The following FOXP1 variants were observed in gnomAD, a reference collection of about 807,000 sequenced individuals.
FOXP1 encodes the protein forkhead box protein P1.
In FOXP1, 15 loss-of-function variants were observed where a neutral mutation model predicts 98.2. The ratio of observed to expected loss-of-function variants is 0.15; its 90% CI spans 0.10 to 0.24. The LOEUF is 0.24. Ranked by LOEUF, FOXP1 falls within the 10% of genes least tolerant of loss-of-function variation. The pLI is 1.00. For synonymous variants in FOXP1, 371 were observed against 314.5 expected (o/e 1.18, Z -1.90); for missense variants, 633 against 848.5 (o/e 0.75, Z 3.15).
intron 6 of FOXP1, among the ~76,000 whole-genome samples, chr3:71,195,490 T>C (rs1395034405): frequency 6.6e-6 from 1 of 152,236 alleles, no homozygotes; most frequent in African/African-American, 2.4e-5. Context: ...CTCGTTTTTA[T>C]ACCAGGCCCT....
chr3:71,507,836 C>T (rs2041935048), intron 2 of FOXP1, among the ~76,000 whole-genome samples: 1 of 152,166 alleles, frequency 6.6e-6, no homozygotes, highest in African/African-American at 2.4e-5. Context: ...CTTGGCCTCC[C>T]AAAGTGCTGG....
At chr3:71,265,807 C>T (rs540001143) in intron 5 of FOXP1, among the ~76,000 whole-genome samples, 2 of 152,246 alleles carry the variant, frequency 1.3e-5, no homozygotes, top group East Asian at 3.9e-4. Flanking sequence ...GTGACAATCA[C>T]CCAAAGACAA....
intron 5 of FOXP1, among the ~76,000 whole-genome samples, chr3:71,270,233 C>T (rs185989152): frequency 1.4e-4 from 21 of 152,198 alleles, no homozygotes; most frequent in African/African-American, 3.1e-4. Flanking sequence ...AGAATCAAAG[C>T]GTTATAAATT....
At chr3:71,011,548 G>T (rs1018743064) in intron 12 of FOXP1, among the ~76,000 whole-genome samples, 2 of 152,184 alleles carry the variant, frequency 1.3e-5, no homozygotes, top group African/African-American at 4.8e-5. Context: ...ATCTAGCCAT[G>T]CTTGAAGCCA....
intron 1 of FOXP1, chr3:71,582,429 G>A (rs1216722957): frequency 2.1e-5 from 21 of 985,198 alleles, no homozygotes; most frequent in Non-Finnish European, 2.4e-5. Context: ...CGGCTCGCTG[G>A]CTCCAGGGAG....
chr3:71,111,402 T>G (rs554056653), intron 7 of FOXP1, among the ~76,000 whole-genome samples: 19 of 152,254 alleles, frequency 1.2e-4, no homozygotes, highest in African/African-American at 4.3e-4. Flanking sequence ...TTAGATTTTT[T>G]TTGTTGTTTT....
intron 6 of FOXP1, among the ~76,000 whole-genome samples, chr3:71,129,897 G>A (rs1279082887): frequency 6.6e-6 from 1 of 152,156 alleles, no homozygotes; most frequent in Non-Finnish European, 1.5e-5. Context: ...AACCATCACG[G>A]AAAGTGAGGC....
intron 6 of FOXP1, among the ~76,000 whole-genome samples, chr3:71,115,124 T>C (rs889034345): frequency 6.6e-6 from 1 of 151,888 alleles, no homozygotes; most frequent in African/African-American, 2.4e-5. Context: ...TGGTTGCTAG[T>C]TGGAAAGGCA....
At chr3:71,548,712 A>T (rs968846769) in intron 2 of FOXP1, among the ~76,000 whole-genome samples, 6 of 151,984 alleles carry the variant, frequency 3.9e-5, no homozygotes, top group Non-Finnish European at 7.4e-5. Flanking sequence ...TTTCTTTTTT[A>T]TTTATTCCTT....
chr3:71,001,123 C>G (rs954317383), intron 12 of FOXP1, 64 bp from the exon 13 acceptor site: 3 of 1,318,762 alleles, frequency 2.3e-6, no homozygotes, highest in African/African-American at 2.9e-5. Context: ...TATAAGTTAC[C>G]AGGATGTTTA....
At chr3:70,964,790 T>C (rs1034851931) in intron 20 of FOXP1, among the ~76,000 whole-genome samples, 1 of 152,190 alleles carries the variant, frequency 6.6e-6, no homozygotes, top group African/African-American at 2.4e-5. Flanking sequence ...CTTTCTGAAG[T>C]GCTGTGGAGA....
intron 4 of FOXP1, among the ~76,000 whole-genome samples, chr3:71,320,456 G>T (rs1310030993): frequency 1.3e-5 from 2 of 151,760 alleles, no homozygotes; most frequent in African/African-American, 4.8e-5. Context: ...CCACCGTATT[G>T]CTCTGCCCTC....
At chr3:70,988,813 T>A (rs1169904423) in intron 13 of FOXP1, among the ~76,000 whole-genome samples, 1 of 152,238 alleles carries the variant, frequency 6.6e-6, no homozygotes, top group African/African-American at 2.4e-5. Flanking sequence ...TAACTCGATA[T>A]TTTCAATAGT....
intron 5 of FOXP1, among the ~76,000 whole-genome samples, chr3:71,201,749 G>A (rs958664566): frequency 6.6e-6 from 1 of 151,788 alleles, no homozygotes; most frequent in Non-Finnish European, 1.5e-5. Context: ...TAATTATCGG[G>A]ATATATCTCA....
At chr3:71,176,936 G>A (rs891311970) in intron 6 of FOXP1, among the ~76,000 whole-genome samples, 32 of 151,838 alleles carry the variant, frequency 2.1e-4, no homozygotes, top group African/African-American at 7.3e-5. Context: ...GGTGGTGGGC[G>A]CCTGTAGTCC....
At chr3:71,250,808 G>A (rs1560187077) in intron 5 of FOXP1, among the ~76,000 whole-genome samples, 1 of 152,086 alleles carries the variant, frequency 6.6e-6, no homozygotes, top group Non-Finnish European at 1.5e-5. Context: ...GCGCACGCCT[G>A]TAATCCCAGC....
At chr3:71,139,705 G>A (rs141670696) in intron 6 of FOXP1, among the ~76,000 whole-genome samples, 1 of 152,138 alleles carries the variant, frequency 6.6e-6, no homozygotes, top group Non-Finnish European at 1.5e-5. Context: ...GCCAGGGCAG[G>A]AGAGTCCTCA....
intron 11 of FOXP1, among the ~76,000 whole-genome samples, chr3:71,040,738 G>A (rs1371893479): frequency 6.6e-6 from 1 of 152,086 alleles, no homozygotes; most frequent in African/African-American, 2.4e-5. Flanking sequence ...TGCTGTGTCT[G>A]TTTATGTGAG....
intron 4 of FOXP1, among the ~76,000 whole-genome samples, chr3:71,311,450 A>C (rs2074676012): frequency 6.6e-6 from 1 of 152,212 alleles, no homozygotes; most frequent in Admixed American, 6.5e-5. Context: ...CAGTAAATAC[A>C]GAATGAGTGA....
Sources: allele counts gnomAD v4.1 joint callset (sites outside exome capture counted in the v4.1 genomes callset), GRCh38; gene constraint gnomAD v4.1.1; transcripts MANE v1.5; gene names NCBI Gene and HGNC (gene_info 2026-07-23, HGNC 2026-07-21).